The following RPA2 variants were observed in gnomAD, a reference collection of about 807,000 sequenced individuals.
RPA2 encodes the protein replication protein A 32 kDa subunit.
A neutral mutation model predicts 33.4 loss-of-function variants in RPA2; 22 were observed. That is an observed-to-expected ratio of 0.66 (90% CI 0.47 to 0.94). The LOEUF (loss-of-function observed/expected upper bound fraction) is 0.94. RPA2 is among the 40% of genes least tolerant of loss of function. The probability of loss-of-function intolerance (pLI) is 0.00; values close to 1 mark genes in which losing one functional copy is unlikely to be tolerated. For synonymous variants in RPA2, 109 were observed against 114.9 expected, an observed-to-expected ratio of 0.95 and a Z score of 0.33; for missense variants, 279 against 329.9, an observed-to-expected ratio of 0.85 and a Z score of 1.19.
intron 5 of RPA2, 107 bp downstream of exon 5, chr1:27,897,526 C>T: frequency 1.5e-6 from 1 of 678,524 alleles, no homozygotes. Flanking sequence ...AATAACTTCC[C>T]ATTAAACAGG....
chr1:27,914,755 G>T (rs1296390639), upstream of RPA2: 1 of 1,362,884 alleles, frequency 7.3e-7, no homozygotes, highest in Non-Finnish European at 1.0e-6. Flanking sequence ...GCGGAAGCAA[G>T]GGGCTGGCAG....
chr1:27,907,895 C>T (rs942093203), intron 2 of RPA2, among the ~76,000 whole-genome samples: 2 of 152,176 alleles, frequency 1.3e-5, no homozygotes, highest in African/African-American at 4.8e-5. Context: ...GTTGTCCAGG[C>T]TGGCATGCAA....
intron 4 of RPA2, among the ~76,000 whole-genome samples, chr1:27,901,027 A>G (rs968378835): frequency 1.3e-5 from 2 of 152,242 alleles, no homozygotes; most frequent in African/African-American, 4.8e-5. Context: ...ACGACAATAA[A>G]GGATTTAGAC....
intron 8 of RPA2, among the ~76,000 whole-genome samples, chr1:27,892,926 A>G (rs1328586106): frequency 1.3e-5 from 2 of 152,236 alleles, no homozygotes; most frequent in African/African-American, 4.8e-5. Flanking sequence ...CACAAGCACC[A>G]TAAGTCAGTT....
chr1:27,911,921 T>C (rs2090100872), intron 2 of RPA2, among the ~76,000 whole-genome samples: 1 of 151,480 alleles, frequency 6.6e-6, no homozygotes, highest in Non-Finnish European at 1.5e-5. Flanking sequence ...TACAACCCTG[T>C]CTCTACTAAA....
At chr1:27,905,773 G>A (rs1405980031) in intron 4 of RPA2, among the ~76,000 whole-genome samples, 8 of 151,988 alleles carry the variant, frequency 5.3e-5, no homozygotes, top group South Asian at 4.2e-4. Flanking sequence ...GACTACAGGC[G>A]CCTGCCACCA....
chr1:27,893,860 C>T (rs943194030), intron 8 of RPA2, 152 bp downstream of exon 8: 26 of 590,412 alleles, frequency 4.4e-5, no homozygotes, highest in Non-Finnish European at 7.4e-5. Context: ...CCACCTGCCT[C>T]GGCCTCCCAA....
chr1:27,914,742 C>G, upstream of RPA2: 1 of 1,475,336 alleles, frequency 6.8e-7, no homozygotes, highest in South Asian at 1.2e-5. Flanking sequence ...ACCCTCCGCA[C>G]TAGCGGAAGC....
chr1:27,914,446 T>C lies in RPA2; in HGVS notation c.-3A>G. 1.3e-6 allele frequency: 2 copies of C among 1,596,964 alleles called. No homozygotes were observed. The highest frequency in any genetic ancestry group is 1.7e-6 in the Non-Finnish European group (2 of 1,170,398). On this transcript the variant is annotated 5_prime_UTR_variant, in exon 1 of 9. Transcript: ENST00000373912. ...CCCCCATCATTACTGTTCCACATCT[T>C]GGTCACGATTCTCCGCAAAGAGGCC...
At position 27,905,095 on chromosome 1, in the gene RPA2, T is replaced by C; in HGVS notation, c.333+1833A>G. On this transcript the variant is annotated intron_variant, in intron 4 of 8. Transcript: ENST00000373912. Reference sequence around the variant, plus strand: ...TTTCAGTCTATTTTATCCATGTTTATAAAGACACTTATATATATGCTGCTT... The same window carrying C: ...TTTCAGTCTATTTTATCCATGTTTACAAAGACACTTATATATATGCTGCTT... 1.3e-5 allele frequency among the ~76,000 whole-genome samples: 2 copies of C among 152,246 alleles called. 1 individual carries two copies.
Position 27,908,310 on chromosome 1 carries a change from T to G in RPA2, c.118-1028A>C, listed in dbSNP as rs28906070. Among the ~76,000 whole-genome samples the G allele has an allele frequency of 9.4e-3, 1,418 of 151,500 alleles. 11 individuals are homozygous for G. Among genetic ancestry groups the G allele is most frequent in the Non-Finnish European group, 0.015 (1,005 of 67,846 alleles). On this transcript the variant is annotated intron_variant, in intron 2 of 8. Coordinates refer to ENST00000373912, the MANE Select transcript of RPA2 (RefSeq NM_002946.5). ...TCAATTAAAAAAACATTTTTTTTTT[T>G]GTAGAGATGGGGTTTTGCTATGTTG...
intron 2 of RPA2, among the ~76,000 whole-genome samples, chr1:27,911,052 C>A (rs1186109615): frequency 6.6e-6 from 1 of 151,896 alleles, no homozygotes; most frequent in East Asian, 1.9e-4. Flanking sequence ...CCCGTCTCCA[C>A]TGAAAATACA....
intron 2 of RPA2, among the ~76,000 whole-genome samples, chr1:27,910,562 T>A (rs542181154): frequency 2.6e-5 from 4 of 152,342 alleles, no homozygotes; most frequent in African/African-American, 9.6e-5. Flanking sequence ...TTTTCATAGC[T>A]GACTATGAAC....
intron 4 of RPA2, among the ~76,000 whole-genome samples, chr1:27,901,533 T>C (rs1408439249): frequency 6.6e-6 from 1 of 151,966 alleles, no homozygotes; most frequent in African/African-American, 2.4e-5. Flanking sequence ...TGGCTAATTT[T>C]TGTATTTTTA....
At chr1:27,907,329 C>T in intron 2 of RPA2, 47 bp from the exon 3 acceptor site, 2 of 1,458,338 alleles carry the variant, frequency 1.4e-6, no homozygotes, top group South Asian at 1.2e-5. Context: ...GTAATAACTA[C>T]CACTCATTCA....
intron 5 of RPA2, among the ~76,000 whole-genome samples, chr1:27,897,397 G>A (rs2089906462): frequency 6.6e-6 from 1 of 151,024 alleles, no homozygotes; most frequent in Non-Finnish European, 1.5e-5. Flanking sequence ...TCCAACTAAT[G>A]AACGCCACAG....
In RPA2 at chr1:27,914,142, G is replaced by A. The variant is rs201492173; in HGVS notation, c.38C>T (p.Ser13Leu). The change falls in exon 2 of 9, where the codon TCA (serine) becomes TTA (leucine). Residue 13 changes from serine to leucine, a missense_variant. Around this residue, in one of 2 missense-constraint regions of RPA2, gnomAD observed 274 missense variants for 310.3 expected, o/e 0.88. Coordinates refer to ENST00000373912, the MANE Select transcript of RPA2 (RefSeq NM_002946.5). ...NSGFESYGSSSYGGAGGYTQS... is the reference protein window; with the variant it reads ...NSGFESYGSSLYGGAGGYTQS... ...CGTGTAGCCGCCGGCTCCCCCGTATGAGGAGCTGCCATAGCTTTCGAATCC... is the reference window on the plus strand; with the variant it reads ...CGTGTAGCCGCCGGCTCCCCCGTATAAGGAGCTGCCATAGCTTTCGAATCC... 9.9e-6 allele frequency: 16 copies of A among 1,613,038 alleles called. No individual in the cohort carries two copies. The East Asian group carries it at 2.9e-4, about 29-fold the overall frequency.
chr1:27,902,174 T>C (rs2089975910), intron 4 of RPA2, among the ~76,000 whole-genome samples: 1 of 151,918 alleles, frequency 6.6e-6, no homozygotes, highest in South Asian at 2.1e-4. Context: ...GCAACCTCCA[T>C]CTCCCAGGCT....
At chr1:27,897,799 TA>T in intron 4 of RPA2, 92 bp from the exon 5 acceptor site, 1 of 903,092 alleles carries the variant, frequency 1.1e-6, no homozygotes, top group Non-Finnish European at 1.6e-6. Context: ...AAGAGAAAGT[TA>T]CGAAGTAGAA....
Sources: gnomAD v4.1 joint callset for allele counts (sites outside exome capture counted in the v4.1 genomes callset) on GRCh38, gnomAD v4.1.1 for gene constraint, gnomAD v4.1.1 regional missense constraint, MANE v1.5 for transcripts, NCBI Gene and HGNC (gene_info 2026-07-23, HGNC 2026-07-21) for gene names.